The following PLAGL1 variants were observed in gnomAD, a reference collection of about 807,000 sequenced individuals.
PLAGL1 encodes the protein PLAG1 like zinc finger 1.
In PLAGL1, 1 loss-of-function variant was observed where a neutral mutation model predicts 4.6. The observed-to-expected ratio is 0.22, with a 90% CI of 0.08 to 1.03. The LOEUF (loss-of-function observed/expected upper bound fraction) is 1.03. Ranked by LOEUF, PLAGL1 falls within the 50% of genes least tolerant of loss-of-function variation. The pLI, the probability that PLAGL1 is intolerant of heterozygous loss-of-function variation, is 0.58. For missense variants in PLAGL1, 464 were observed against 570.4 expected (o/e 0.81, Z 1.90); for synonymous variants, 240 against 237.8 (o/e 1.01, Z -0.08).
chr6:143,981,107 G>A (rs1456893366), intron 2 of PLAGL1, among the ~76,000 whole-genome samples: 1 of 152,116 alleles, frequency 6.6e-6, no homozygotes, highest in Non-Finnish European at 1.5e-5. Flanking sequence ...TTTATGACCT[G>A]TCTTGAATGG....
chr6:144,047,170 C>T (rs1037013541), intron 1 of PLAGL1, among the ~76,000 whole-genome samples: 21 of 152,330 alleles, frequency 1.4e-4, no homozygotes, highest in African/African-American at 5.1e-4. Context: ...GGCAACACCC[C>T]ACCCTGCTTC....
chr6:143,973,835 G>T lies in PLAGL1; in HGVS notation c.-543-4857C>A, dbSNP rs995808710. On this transcript the variant is annotated intron_variant, in intron 2 of 7. Transcript: ENST00000674357. The surrounding 1 kb of genome is among the most constrained non-coding windows in gnomAD (Gnocchi z 6.2). The stretch of plus-strand genomic sequence containing the variant: ...TTAGTAAGGGGTGATCTCCAGAGCT[G>T]CAGTTTCTAGGGTTACCCTAAGGGG... Among the ~76,000 whole-genome samples, 2 of 152,298 alleles carry T rather than the reference G, an allele frequency of 1.3e-5. No individual in the cohort carries two copies. The highest frequency in any genetic ancestry group is 6.8e-3 in the Middle Eastern group (2 of 294).
rs745441314 is a variant in PLAGL1 at position 144,027,273 on chromosome 6, AAGAAAGAAAGAAAG to A, written c.-151+37181_-151+37194del. Reference sequence around the variant, plus strand: ...AAAGAAAGAAAGAAAGAAAGAAAGAAAGAAAGAAAGAAAGAAAGAAAGTTATTTGATCTGAAGTA... The same window carrying A: ...AAAGAAAGAAAGAAAGAAAGAAAGAAAAAGAAAGTTATTTGATCTGAAGTA... On this transcript the variant is annotated intron_variant, in intron 1 of 3. Coordinates refer to the PLAGL1 transcript ENST00000437412. The surrounding 1 kb of genome is among the most constrained non-coding windows in gnomAD (Gnocchi z 5.8). Among the ~76,000 whole-genome samples the A allele has an allele frequency of 6.8e-6, 1 of 146,496 alleles. No individual in the cohort carries two copies. Among genetic ancestry groups the A allele is most frequent in the Admixed American group, 7.3e-5 (1 of 13,760 alleles).
In PLAGL1 at chr6:143,947,864, C is replaced by A; in HGVS notation, c.152+121G>T. ...CACTGGATGCAGATTTCAAGAATCC[C>A]TCAAAGGCTAAAATGCATCCATATC... is the stretch of plus-strand genomic sequence containing the variant. On this transcript the variant is annotated intron_variant, in intron 7 of 7. Transcript: ENST00000674357. This position sits in a 1 kb window ranked among gnomAD's most constrained non-coding sequence, Gnocchi z 4.3. 1 of 752,348 alleles carries A rather than the reference C, an allele frequency of 1.3e-6. No homozygotes were observed. Among genetic ancestry groups the A allele is most frequent in the East Asian group, 2.6e-5 (1 of 37,844 alleles). The allele number at this position is 752,348 out of a possible 1,614,324, so 46.6% of individuals were successfully genotyped here. A position where few individuals can be genotyped will look rare whatever the true frequency, so the allele number is the denominator to read the frequency against.
chr6:143,968,462 GTT>G lies in PLAGL1; in HGVS notation c.-472+443_-472+444del, dbSNP rs3215614. ...ATTCTAAATGGTGGACCCTACCTCA[GTT>G]TTTTTTTTCCTAATATTTCTTTAAG... On this transcript the variant is annotated intron_variant, in intron 3 of 7. Coordinates refer to ENST00000674357, the MANE Select transcript of PLAGL1 (RefSeq NM_001317162.2). This position sits in a 1 kb window ranked among gnomAD's most constrained non-coding sequence, Gnocchi z 6.3. 3 of 149,506 alleles carry G rather than the reference GTT, an allele frequency of 2.0e-5. No homozygotes were observed. Among genetic ancestry groups the G allele is most frequent in the African/African-American group, 4.9e-5 (2 of 40,710 alleles). 9.3% of individuals were successfully genotyped at this position (149,506 alleles called of 1,614,324 possible). A position where few individuals can be genotyped will look rare whatever the true frequency, so the allele number is the denominator to read the frequency against.
In PLAGL1 at chr6:143,959,073, A is replaced by G. The variant is rs1426639596; in HGVS notation, c.-325+1396T>C. On this transcript the variant is annotated intron_variant, in intron 6 of 7. Transcript: ENST00000674357. This position sits in a 1 kb window ranked among gnomAD's most constrained non-coding sequence, Gnocchi z 5.3. ...CCCAGCTCATCCGCAGGCAGCTTTC[A>G]TGTGCTGCTCTGCGCTCCCCGTCGC... Among the ~76,000 whole-genome samples, 1 of 152,178 alleles carries G rather than the reference A, an allele frequency of 6.6e-6. No individual in the cohort carries two copies. Among genetic ancestry groups the G allele is most frequent in the African/African-American group, 2.4e-5 (1 of 41,454 alleles).
intron 1 of PLAGL1, among the ~76,000 whole-genome samples, chr6:144,035,829 T>C (rs1797190445): frequency 1.3e-5 from 2 of 152,170 alleles, no homozygotes; most frequent in Non-Finnish European, 2.9e-5. Flanking sequence ...TGATCTCATA[T>C]GGTTGATGAG....
At chr6:143,980,107 G>A (rs1008602781) in intron 2 of PLAGL1, among the ~76,000 whole-genome samples, 2 of 152,060 alleles carry the variant, frequency 1.3e-5, no homozygotes, top group African/African-American at 2.4e-5. Flanking sequence ...TCCTCTGAAT[G>A]TATAGTTTTT....
At chr6:144,003,235 CT>C (rs923798216) in intron 1 of PLAGL1, among the ~76,000 whole-genome samples, 5 of 152,128 alleles carry the variant, frequency 3.3e-5, no homozygotes, top group African/African-American at 9.7e-5. Context: ...TGATCCCCCC[CT>C]CACACCATAC....
At chr6:144,049,076 T>C (rs1296584114) in intron 1 of PLAGL1, among the ~76,000 whole-genome samples, 1 of 152,260 alleles carries the variant, frequency 6.6e-6, no homozygotes, top group African/African-American at 2.4e-5. Context: ...CACAGATCTC[T>C]AGGGCAGGGG....
rs751065194 is a variant in PLAGL1 at position 144,050,115 on chromosome 6, G to C, written c.-151+14353C>G. Reference sequence around the variant, plus strand: ...AGTTATTTTTCATGAAAGCAAGTAAGGGTGCTTACTTTGAGTTTAACTCAA... The same window carrying C: ...AGTTATTTTTCATGAAAGCAAGTAACGGTGCTTACTTTGAGTTTAACTCAA... On this transcript the variant is annotated intron_variant, in intron 1 of 3. Transcript: ENST00000437412. The surrounding 1 kb of genome is among the most constrained non-coding windows in gnomAD (Gnocchi z 4.3). 6.6e-6 allele frequency among the ~76,000 whole-genome samples: 1 copy of C among 152,106 alleles called. No homozygotes were observed. Among genetic ancestry groups the C allele is most frequent in the Non-Finnish European group, 1.5e-5 (1 of 68,018 alleles).
intron 1 of PLAGL1, among the ~76,000 whole-genome samples, chr6:143,988,607 C>T (rs918478549): frequency 1.3e-5 from 2 of 152,182 alleles, no homozygotes; most frequent in Non-Finnish European, 2.9e-5. Flanking sequence ...ACCATGCCTG[C>T]CTTGGTCAGT....
chr6:143,980,367 TG>T (rs1203055788), intron 2 of PLAGL1, among the ~76,000 whole-genome samples: 2 of 150,700 alleles, frequency 1.3e-5, no homozygotes, highest in Non-Finnish European at 3.0e-5. Context: ...AGCTCACTGA[TG>T]TGCTATTCAC....
At chr6:144,029,624 A>G (rs1796647779) in intron 1 of PLAGL1, among the ~76,000 whole-genome samples, 1 of 152,262 alleles carries the variant, frequency 6.6e-6, no homozygotes. Flanking sequence ...GCAATGATTC[A>G]AAAATCTTAA....
rs932031308 is a variant in PLAGL1, at chr6:144,038,813, C to T, written c.-151+25655G>A. Reference sequence around the variant, plus strand: ...GAGACAGAAAGTAGATTAGTGACTGCCTAGGGCTAAAAGTGATGAAAGGAG... The same window carrying T: ...GAGACAGAAAGTAGATTAGTGACTGTCTAGGGCTAAAAGTGATGAAAGGAG... On this transcript the variant is annotated intron_variant, in intron 1 of 3. Coordinates refer to the PLAGL1 transcript ENST00000437412. 1.1e-4 allele frequency among the ~76,000 whole-genome samples: 16 copies of T among 151,952 alleles called. 1 individual carries two copies. Among genetic ancestry groups the T allele is most frequent in the African/African-American group, 3.1e-4 (13 of 41,356 alleles).
At chr6:144,029,151 C>T (rs1796601917) in intron 1 of PLAGL1, among the ~76,000 whole-genome samples, 1 of 152,116 alleles carries the variant, frequency 6.6e-6, no homozygotes, top group African/African-American at 2.4e-5. Flanking sequence ...TGTTGAACTT[C>T]TATATTATCT....
rs34472088 is a variant in PLAGL1 at position 144,004,184 on chromosome 6, A to AT, written c.-584+3905dup. On this transcript the variant is annotated intron_variant, in intron 1 of 7. Transcript: ENST00000674357. The surrounding 1 kb of genome is among the most constrained non-coding windows in gnomAD (Gnocchi z 4.2). ...AAATGGGGATAACTATGTTCCAGTAATTTTTTTTTTTTTTAAGATGGGGTC... is the reference window on the plus strand; with the variant it reads ...AAATGGGGATAACTATGTTCCAGTAATTTTTTTTTTTTTTTAAGATGGGGTC... Among the ~76,000 whole-genome samples the AT allele has an allele frequency of 7.4e-5, 11 of 149,324 alleles. No homozygotes were observed. Among genetic ancestry groups the AT allele is most frequent in the Middle Eastern group, 3.5e-3 (1 of 288 alleles).
chr6:144,059,409 C>A lies in PLAGL1; in HGVS notation c.-151+5059G>T, dbSNP rs536115846. On this transcript the variant is annotated intron_variant, in intron 1 of 3. Coordinates refer to the PLAGL1 transcript ENST00000437412. This position sits in a 1 kb window ranked among gnomAD's most constrained non-coding sequence, Gnocchi z 4.9. ...ACAGGTCTTGCTAAGGTTCCTCCACCAACTGGGCAGGATTCAGGGGCCTTT... is the reference window on the plus strand; with the variant it reads ...ACAGGTCTTGCTAAGGTTCCTCCACAAACTGGGCAGGATTCAGGGGCCTTT... 6.6e-6 allele frequency among the ~76,000 whole-genome samples: 1 copy of A among 152,330 alleles called. No homozygotes were observed. Among genetic ancestry groups the A allele is most frequent in the South Asian group, 2.1e-4 (1 of 4,828 alleles).
chr6:144,011,828 C>T (rs150961756), upstream of PLAGL1, among the ~76,000 whole-genome samples: 295 of 152,266 alleles, frequency 1.9e-3, 4 homozygotes, highest in East Asian at 0.014. This position sits in a 1 kb window ranked among gnomAD's most constrained non-coding sequence, Gnocchi z 4.3. Flanking sequence ...GGGAACATCC[C>T]ATGCCTCAGA....
Sources: allele counts gnomAD v4.1 joint callset (sites outside exome capture counted in the v4.1 genomes callset), GRCh38; gene constraint gnomAD v4.1.1; non-coding constraint Gnocchi (gnomAD v3.1); transcripts MANE v1.5; gene names NCBI Gene and HGNC (gene_info 2026-07-23, HGNC 2026-07-21).